The following ZBTB20 variants were observed in gnomAD, a reference collection of about 807,000 sequenced individuals.
ZBTB20 encodes zinc finger and BTB domain-containing protein 20.
ZBTB20 carries 9 observed loss-of-function variants against 56.9 expected under a neutral mutation model. The ratio of observed to expected loss-of-function variants is 0.16; its 90% CI spans 0.10 to 0.28. The LOEUF (loss-of-function observed/expected upper bound fraction) is 0.28. ZBTB20 is among the 10% of genes least tolerant of loss of function. The probability of loss-of-function intolerance (pLI) is 1.00; values close to 1 mark genes in which losing one functional copy is unlikely to be tolerated. For missense variants in ZBTB20, 655 were observed against 1,003.0 expected, an observed-to-expected ratio of 0.65 and a Z score of 4.69; for synonymous variants, 417 against 420.7, an observed-to-expected ratio of 0.99 and a Z score of 0.11.
intron 5 of ZBTB20, among the ~76,000 whole-genome samples, chr3:114,718,745 G>A (rs901543874): frequency 5.3e-5 from 8 of 152,082 alleles, no homozygotes; most frequent in African/African-American, 1.7e-4. Flanking sequence ...TGCCACTTAG[G>A]AGTAGACTCT....
intron 3 of ZBTB20, among the ~76,000 whole-genome samples, chr3:114,971,919 G>C (rs2077899548): frequency 6.6e-6 from 1 of 152,138 alleles, no homozygotes; most frequent in Non-Finnish European, 1.5e-5. Context: ...CCTGGAACCA[G>C]GAAAGACACA....
intron 1 of ZBTB20, among the ~76,000 whole-genome samples, chr3:115,133,531 C>T (rs2084569689): frequency 1.3e-5 from 2 of 152,136 alleles, no homozygotes; most frequent in South Asian, 4.1e-4. Context: ...GCAGTCACTC[C>T]CCATTTTTCC....
intron 10 of ZBTB20, among the ~76,000 whole-genome samples, chr3:114,376,505 A>G (rs2083648143): frequency 6.6e-6 from 1 of 152,234 alleles, no homozygotes; most frequent in African/African-American, 2.4e-5. Context: ...CAAGTGTACT[A>G]AAAATTTTAA....
chr3:115,072,944 A>G (rs2082462436), intron 1 of ZBTB20, among the ~76,000 whole-genome samples: 1 of 152,228 alleles, frequency 6.6e-6, no homozygotes, highest in South Asian at 2.1e-4. Context: ...AATGAAAATA[A>G]TATCTGTCTT....
At chr3:114,788,375 A>G (rs2070707027) in intron 5 of ZBTB20, among the ~76,000 whole-genome samples, 1 of 152,078 alleles carries the variant, frequency 6.6e-6, no homozygotes, top group Non-Finnish European at 1.5e-5. Flanking sequence ...CCTTCCTCCT[A>G]GCCCCTGGTA....
intron 7 of ZBTB20, among the ~76,000 whole-genome samples, chr3:114,498,569 C>T (rs565203151): frequency 1.3e-5 from 2 of 152,250 alleles, no homozygotes; most frequent in African/African-American, 4.8e-5. Flanking sequence ...GGTCACCCTG[C>T]TGATATGAGG....
At chr3:114,937,147 T>C (rs1168758702) in intron 3 of ZBTB20, among the ~76,000 whole-genome samples, 1 of 152,210 alleles carries the variant, frequency 6.6e-6, no homozygotes, top group African/African-American at 2.4e-5. Context: ...ATGGGATTGC[T>C]GGGTCAAATG....
chr3:115,086,853 C>T (rs1021935), intron 1 of ZBTB20, among the ~76,000 whole-genome samples: 147,306 of 151,922 alleles, frequency 0.97, 71,585 homozygotes, highest in East Asian at 1. Flanking sequence ...AAAACTCACA[C>T]TCTAGTAGAA....
chr3:115,109,922 A>G (rs1338528964), intron 1 of ZBTB20, among the ~76,000 whole-genome samples: 5 of 152,188 alleles, frequency 3.3e-5, no homozygotes, highest in Non-Finnish European at 7.4e-5. Context: ...AGAGTTGGAA[A>G]CATTAGGCGG....
chr3:114,879,376 A>G (rs1031402117), intron 4 of ZBTB20, among the ~76,000 whole-genome samples: 2 of 152,168 alleles, frequency 1.3e-5, no homozygotes, highest in Non-Finnish European at 2.9e-5. Context: ...ATGAATAATG[A>G]TCCAAACAGC....
intron 6 of ZBTB20, among the ~76,000 whole-genome samples, chr3:114,646,376 G>T (rs777648658): frequency 3.3e-5 from 5 of 152,088 alleles, no homozygotes; most frequent in Admixed American, 6.5e-5. Flanking sequence ...ATTTGGAGAA[G>T]GAGGAGACTC....
chr3:114,447,283 C>A (rs768867978), intron 7 of ZBTB20, among the ~76,000 whole-genome samples: 43 of 152,136 alleles, frequency 2.8e-4, no homozygotes, highest in Admixed American at 1.3e-4. Context: ...TTAGATGAAA[C>A]AACTGCATTA....
At chr3:115,087,435 G>T (rs1447310398) in intron 1 of ZBTB20, among the ~76,000 whole-genome samples, 1 of 151,814 alleles carries the variant, frequency 6.6e-6, no homozygotes, top group Non-Finnish European at 1.5e-5. Context: ...AATTCTAATG[G>T]TTTTAAAAGT....
At chr3:114,713,548 GC>G (rs1025823502) in intron 5 of ZBTB20, among the ~76,000 whole-genome samples, 2 of 152,092 alleles carry the variant, frequency 1.3e-5, no homozygotes, top group Non-Finnish European at 2.9e-5. Context: ...CCCCCTCAAA[GC>G]ATCATCTGGC....
chr3:114,810,530 T>C (rs545997926), intron 4 of ZBTB20, among the ~76,000 whole-genome samples: 9 of 152,208 alleles, frequency 5.9e-5, no homozygotes, highest in Middle Eastern at 3.4e-3. Flanking sequence ...ACTGATACAA[T>C]GGAACTGTGG....
intron 5 of ZBTB20, among the ~76,000 whole-genome samples, chr3:114,728,105 A>G (rs920113335): frequency 2.0e-5 from 3 of 152,340 alleles, no homozygotes; most frequent in Middle Eastern, 3.4e-3. Flanking sequence ...GGCAATTTAA[A>G]TAGACAACAA....
intron 7 of ZBTB20, among the ~76,000 whole-genome samples, chr3:114,499,939 T>C (rs1427996937): frequency 6.6e-6 from 1 of 152,220 alleles, no homozygotes; most frequent in East Asian, 1.9e-4. Context: ...AGCTCTGATC[T>C]AGAAGTTAAA....
chr3:114,415,338 A>G (rs765878704), intron 7 of ZBTB20, among the ~76,000 whole-genome samples: 5 of 152,138 alleles, frequency 3.3e-5, no homozygotes, highest in Non-Finnish European at 7.4e-5. Flanking sequence ...ATGAAGGGGC[A>G]TATAGGGATG....
At position 114,453,051 on chromosome 3, in the gene ZBTB20, A is replaced by C. The variant is rs545481561; in HGVS notation, c.-255+47301T>G. ...AAATGTACAGCATATATAAAAGATAAAATTGTTTACTACATTTTACACATA... is the reference window on the plus strand; with the variant it reads ...AAATGTACAGCATATATAAAAGATACAATTGTTTACTACATTTTACACATA... On this transcript the variant is annotated intron_variant, in intron 7 of 11. Transcript: ENST00000675478. Among the ~76,000 whole-genome samples, 6 of 152,310 alleles carry C rather than the reference A, an allele frequency of 3.9e-5. No individual in the cohort carries two copies. The East Asian group carries it at 1.2e-3, about 29-fold the overall frequency.
Sources: allele counts gnomAD v4.1 joint callset (sites outside exome capture counted in the v4.1 genomes callset), GRCh38; gene constraint gnomAD v4.1.1; transcripts MANE v1.5; gene names NCBI Gene and HGNC (gene_info 2026-07-23, HGNC 2026-07-21).